The following ITGA7 variants were observed in gnomAD, a reference collection of about 807,000 sequenced individuals.
ITGA7 encodes integrin alpha-7.
In ITGA7, 84 loss-of-function variants were observed where a neutral mutation model predicts 131.6. The observed-to-expected ratio is 0.64, with a 90% confidence interval of 0.54 to 0.77. The LOEUF is 0.77. Among genes scored for constraint, ITGA7 ranks in the 30% least tolerant of loss-of-function variants. The probability of loss-of-function intolerance (pLI) is 0.00; values close to 1 mark genes in which losing one functional copy is unlikely to be tolerated. For synonymous variants in ITGA7, 548 were observed against 600.7 expected (o/e 0.91, Z 1.28); for missense variants, 1,399 against 1,482.9 (o/e 0.94, Z 0.93).
intron 24 of ITGA7, among the ~76,000 whole-genome samples, chr12:55,687,559 T>C (rs984123081): frequency 6.4e-5 from 9 of 140,742 alleles, no homozygotes; most frequent in African/African-American, 2.4e-4. Context: ...TGGCGCCATC[T>C]CGGCTCACTG....
At position 55,685,081 on chromosome 12, in the gene ITGA7, G is replaced by A. The variant is rs1298546013; in HGVS notation, c.3391C>T (p.His1131Tyr). 56 of 1,596,924 alleles carry A rather than the reference G, an allele frequency of 3.5e-5. No individual in the cohort carries two copies. Among genetic ancestry groups the A allele is most frequent in the Non-Finnish European group, 4.8e-5 (56 of 1,173,594 alleles). The change falls in exon 25 of 25, where the codon CAT (histidine) becomes TAT (tyrosine). Residue 1131 changes from histidine to tyrosine, a missense_variant. Transcript: ENST00000257879. ...DGHPELGPDG[H>Y]PGPGTA ...ACCTAGGCGGTGCCTGGCCCTGGAT[G>A]CCCATCGGGGCCCAGCTCGGGATGC...
At chr12:55,707,907 C>A, upstream of ITGA7, 1 of 1,405,220 alleles carries the variant, frequency 7.1e-7, no homozygotes, top group Non-Finnish European at 9.2e-7. Context: ...GCGCCCACTC[C>A]GGCTCCCGCC....
At chr12:55,715,059 C>T (rs2136128155), upstream of ITGA7, among the ~76,000 whole-genome samples, 1 of 152,170 alleles carries the variant, frequency 6.6e-6, no homozygotes, top group Non-Finnish European at 1.5e-5. Flanking sequence ...CAAGGTTTCA[C>T]CATGTTGGTC....
chr12:55,703,202 G>C (rs1874451567), intron 1 of ITGA7, 24 bp from the exon 2 acceptor site: 1 of 1,604,048 alleles, frequency 6.2e-7, no homozygotes, highest in South Asian at 1.1e-5. Context: ...CAGGGGCAGG[G>C]ACAGGGACAG....
intron 7 of ITGA7, 169 bp from the exon 8 acceptor site, chr12:55,698,195 G>C: frequency 1.2e-6 from 1 of 830,906 alleles, no homozygotes; most frequent in South Asian, 1.7e-5. Flanking sequence ...ACTCCCTGCA[G>C]ATATTACTAA....
intron 3 of ITGA7, among the ~76,000 whole-genome samples, chr12:55,702,117 G>A (rs1226613126): frequency 6.6e-6 from 1 of 151,996 alleles, no homozygotes; most frequent in Non-Finnish European, 1.5e-5. Context: ...CCAGGTTCAA[G>A]TGATTCTCCT....
Position 55,694,690 on chromosome 12 carries a change from C to T in ITGA7, c.2202G>A (p.Lys734=). 1 of 1,614,166 alleles carries T rather than the reference C, an allele frequency of 6.2e-7. No individual in the cohort carries two copies. The highest frequency in any genetic ancestry group is 1.7e-5 in the Admixed American group (1 of 60,032). ...CATTCTCATTGGACAGGCAGAGTGG[C>T]TTCTCCTGGAATGGGAGAGAAGGCA... ...SGVRALDPAE[K]PLCLSNENAS... Residue 734 remains lysine (K), a synonymous_variant, in exon 16 of 25, where the codon AAG becomes AAA. Coordinates refer to ENST00000257879, the MANE Select transcript of ITGA7 (RefSeq NM_002206.3). This position sits in a 1 kb window ranked among gnomAD's most constrained non-coding sequence, Gnocchi z 5.3.
chr12:55,716,344 T>G, upstream of ITGA7: 1 of 1,474,482 alleles, frequency 6.8e-7, no homozygotes, highest in South Asian at 1.3e-5. Context: ...CAGAGAGGCT[T>G]TTTTTGAAAC....
At chr12:55,715,666 G>A (rs1170148943), upstream of ITGA7, among the ~76,000 whole-genome samples, 1 of 152,114 alleles carries the variant, frequency 6.6e-6, no homozygotes, top group Non-Finnish European at 1.5e-5. Context: ...GAAGAAAGAG[G>A]GTTGGGAGAG....
chr12:55,707,836 G>GCCGCTCCGCCACC lies in ITGA7; in HGVS notation c.-167_-155dup. The stretch of plus-strand genomic sequence containing the variant: ...GCCCCGCCAGCCCTCCCGCCCGCCC[G>GCCGCTCCGCCACC]CCGCTCCGCCACCCCGCCGCCCCAG... On this transcript the variant is annotated 5_prime_UTR_variant, in exon 1 of 25. Coordinates refer to ENST00000257879, the MANE Select transcript of ITGA7 (RefSeq NM_002206.3). 12 of 556,756 alleles carry GCCGCTCCGCCACC rather than the reference G, an allele frequency of 2.2e-5. No homozygotes were observed. Among genetic ancestry groups the GCCGCTCCGCCACC allele is most frequent in the Non-Finnish European group, 2.9e-5 (10 of 343,112 alleles). 34.5% of individuals were successfully genotyped at this position (556,756 alleles called of 1,614,324 possible).
chr12:55,686,414 G>T, intron 24 of ITGA7: 1 of 670,686 alleles, frequency 1.5e-6, no homozygotes, highest in Non-Finnish European at 2.2e-6. Flanking sequence ...TTCCATGGGA[G>T]CAGGGAGCAA....
chr12:55,697,322 C>T (rs1449357844), intron 10 of ITGA7, 45 bp from the exon 11 acceptor site: 4 of 1,581,374 alleles, frequency 2.5e-6, no homozygotes, highest in Non-Finnish European at 3.4e-6. Context: ...GGCTGATGGG[C>T]CAAGGCCCCT....
Position 55,703,157 on chromosome 12 carries a change from C to T in ITGA7, c.228G>A (p.Gln76=). The change falls in exon 2 of 25, where the codon CAG becomes CAA. Residue 76 remains glutamine, a synonymous_variant. Transcript: ENST00000257879. ...PQSWLLVGAP[Q]ALALPGQQAN... is the part of the protein sequence containing the mutation. ...CCTGCTGCCCAGGAAGAGCCAGGGC[C>T]TGGGGAGCACCCACCAGCAGCCTGC... 1.2e-6 allele frequency: 2 copies of T among 1,611,490 alleles called. No individual in the cohort carries two copies. The highest frequency in any genetic ancestry group is 1.7e-6 in the Non-Finnish European group (2 of 1,179,960).
At chr12:55,699,635 C>A (rs1289548176) in intron 5 of ITGA7, 2 of 575,108 alleles carry the variant, frequency 3.5e-6, no homozygotes, top group African/African-American at 3.8e-5. Flanking sequence ...CCACCTGAAT[C>A]TTCCTCCATG....
At chr12:55,712,169 A>G (rs1398887372), upstream of ITGA7, 1 of 1,551,400 alleles carries the variant, frequency 6.4e-7, no homozygotes, top group South Asian at 1.2e-5. Flanking sequence ...GATTGAGGGA[A>G]TTCAGTGGGG....
At position 55,687,404 on chromosome 12, in the gene ITGA7, G is replaced by A. The variant is rs568491949; in HGVS notation, c.3183+567C>T. Reference sequence around the variant, plus strand: ...GGATTTCACCATGTTGGCCAGCTTGGTCTTGAACTCCTGACCTCAGGTGAT... The same window carrying A: ...GGATTTCACCATGTTGGCCAGCTTGATCTTGAACTCCTGACCTCAGGTGAT... On this transcript the variant is annotated intron_variant, in intron 24 of 24. Coordinates refer to ENST00000257879, the MANE Select transcript of ITGA7 (RefSeq NM_002206.3). 2.2e-3 allele frequency among the ~76,000 whole-genome samples: 331 copies of A among 150,096 alleles called. 1 individual carries two copies. Among genetic ancestry groups the A allele is most frequent in the African/African-American group, 7.5e-3 (306 of 40,740 alleles).
At chr12:55,691,725 T>C (rs1308394960) in intron 21 of ITGA7, among the ~76,000 whole-genome samples, 41 of 152,208 alleles carry the variant, frequency 2.7e-4, no homozygotes, top group Admixed American at 2.6e-3. Context: ...ATCCATGTAA[T>C]AGAGCAACAG....
In ITGA7 at chr12:55,697,226, G is replaced by A. The variant is rs866783774; in HGVS notation, c.1557C>T (p.Ser519=). 1 of 1,597,636 alleles carries A rather than the reference G, an allele frequency of 6.3e-7. No individual in the cohort carries two copies. The highest frequency in any genetic ancestry group is 8.5e-7 in the Non-Finnish European group (1 of 1,172,260). The part of the protein sequence containing the change: ...FSYIAVPSSY[S]PTVALDYVLD... ...GGGGACCGCACTCACCCACAGTAGGGCTATAGCTGCTGGGGACTGCAATGT... is the reference window on the plus strand; with the variant it reads ...GGGGACCGCACTCACCCACAGTAGGACTATAGCTGCTGGGGACTGCAATGT... The change falls in exon 11 of 25, where the codon AGC becomes AGT. Residue 519 remains serine, a synonymous_variant. Transcript: ENST00000257879.
At chr12:55,700,726 G>A in intron 4 of ITGA7, 173 bp downstream of exon 4, 3 of 845,228 alleles carry the variant, frequency 3.5e-6, no homozygotes, top group South Asian at 1.7e-5. Context: ...AGGGAAAGGA[G>A]GCACCCCCCA....
Sources: allele counts gnomAD v4.1 joint callset (sites outside exome capture counted in the v4.1 genomes callset), GRCh38; gene constraint gnomAD v4.1.1; non-coding constraint Gnocchi (gnomAD v3.1); transcripts MANE v1.5; gene names NCBI Gene and HGNC (gene_info 2026-07-23, HGNC 2026-07-21).